SRGAP3: variants seen among roughly 807,000 people sequenced by gnomAD.
SRGAP3 encodes the protein SLIT-ROBO Rho GTPase activating protein 3.
Under a neutral mutation model 121.1 loss-of-function variants are expected in SRGAP3, and 39 were observed. That is an observed-to-expected ratio of 0.32 (90% CI 0.25 to 0.42). SRGAP3 has a LOEUF of 0.42. Ranked by LOEUF, SRGAP3 falls within the 10% of genes least tolerant of loss-of-function variation. SRGAP3 has a pLI of 1.00. For synonymous variants in SRGAP3, 601 were observed against 570.0 expected (o/e 1.05, Z -0.77); for missense variants, 1,213 against 1,470.6 (o/e 0.82, Z 2.86).
chr3:9,258,096 A>G (rs1954174115), intron 3 of SRGAP3, among the ~76,000 whole-genome samples: 1 of 152,184 alleles, frequency 6.6e-6, no homozygotes, highest in Non-Finnish European at 1.5e-5. Context: ...TGTTGTGAAG[A>G]CCTCAGTTTA....
At chr3:9,273,109 C>T (rs755446907) in intron 3 of SRGAP3, among the ~76,000 whole-genome samples, 6 of 152,150 alleles carry the variant, frequency 3.9e-5, no homozygotes, top group Non-Finnish European at 7.3e-5. Context: ...CTCAGATCAT[C>T]AGGTATTAGT....
At chr3:9,049,371 G>A (rs181352382) in intron 9 of SRGAP3, 21 of 455,996 alleles carry the variant, frequency 4.6e-5, no homozygotes, top group Admixed American at 2.6e-4. Flanking sequence ...AGAGTCACTC[G>A]ACTTGTATCC....
intron 4 of SRGAP3, among the ~76,000 whole-genome samples, chr3:9,074,319 G>T (rs1946857732): frequency 6.6e-6 from 1 of 152,174 alleles, no homozygotes; most frequent in South Asian, 2.1e-4. Context: ...TATACTCTAT[G>T]ACAATCACTC....
intron 10 of SRGAP3, among the ~76,000 whole-genome samples, chr3:9,044,722 A>G (rs919049220): frequency 1.3e-5 from 2 of 152,200 alleles, no homozygotes; most frequent in Admixed American, 6.5e-5. Flanking sequence ...AGAGAATCCT[A>G]CTGAATAGAA....
intron 3 of SRGAP3, among the ~76,000 whole-genome samples, chr3:9,300,315 T>G: frequency 6.7e-6 from 1 of 150,338 alleles, no homozygotes; most frequent in Non-Finnish European, 1.5e-5. Flanking sequence ...AACTTCACAC[T>G]TCACAACTCT....
chr3:9,281,382 G>C (rs1038106348), intron 3 of SRGAP3, among the ~76,000 whole-genome samples: 2 of 152,048 alleles, frequency 1.3e-5, no homozygotes, highest in Admixed American at 6.6e-5. Flanking sequence ...AATTAGACTT[G>C]ACCATGGCCA....
chr3:9,029,962 A>G (rs1003412855), intron 12 of SRGAP3, among the ~76,000 whole-genome samples: 25 of 148,540 alleles, frequency 1.7e-4, no homozygotes, highest in African/African-American at 6.3e-4. Flanking sequence ...ACAACATGGT[A>G]AGATCCTGTC....
In SRGAP3 at chr3:9,053,362, C is replaced by T. The variant is rs1945673429; in HGVS notation, c.1126-138G>A. ...TAGGCAGAACAAAAATAATCCTTCT[C>T]ACTGTATTAATGTGGAAAACACAAA... On this transcript the variant is annotated intron_variant, in intron 8 of 21. Transcript: ENST00000383836. 5.4e-6 allele frequency: 5 copies of T among 926,858 alleles called. No individual in the cohort carries two copies. In the South Asian group the frequency reaches 7.2e-5, roughly 13 times the overall value. The allele number at this position is 926,858 out of a possible 1,614,324, so 57.4% of individuals were successfully genotyped here.
At chr3:9,118,148 G>GTAAA (rs1283902550) in intron 2 of SRGAP3, among the ~76,000 whole-genome samples, 3 of 152,004 alleles carry the variant, frequency 2.0e-5, no homozygotes, top group African/African-American at 4.8e-5. Flanking sequence ...AAGTAAATAT[G>GTAAA]TAAATAAATA....
At chr3:9,304,370 A>G (rs1208542931) in intron 3 of SRGAP3, among the ~76,000 whole-genome samples, 1 of 152,200 alleles carries the variant, frequency 6.6e-6, no homozygotes. Context: ...TCCTTAGCAC[A>G]GTCTCCTGCC....
chr3:9,170,191 G>A (rs964146645), intron 1 of SRGAP3, among the ~76,000 whole-genome samples: 2 of 152,102 alleles, frequency 1.3e-5, no homozygotes, highest in Non-Finnish European at 2.9e-5. Flanking sequence ...AGAAGAAACC[G>A]CCCCCAGTCT....
Position 9,241,741 on chromosome 3 carries a change from G to A in SRGAP3, c.67+7144C>T, listed in dbSNP as rs184680007. Among the ~76,000 whole-genome samples, 31 of 152,272 alleles carry A rather than the reference G, an allele frequency of 2.0e-4. No homozygotes were observed. In the East Asian group the frequency reaches 4.4e-3, roughly 22 times the overall value. ...GGTGATTAAGGTTAGATAAGATCAT[G>A]AAGATGGGTCCCTCCTGATGGTATT... On this transcript the variant is annotated intron_variant, in intron 1 of 21. Coordinates refer to ENST00000383836, the MANE Select transcript of SRGAP3 (RefSeq NM_014850.4).
intron 3 of SRGAP3, among the ~76,000 whole-genome samples, chr3:9,278,338 T>C (rs1954619344): frequency 6.6e-6 from 1 of 152,172 alleles, no homozygotes; most frequent in African/African-American, 2.4e-5. Context: ...CTGAGGCAAT[T>C]ACTCTCCATG....
chr3:9,182,131 G>A (rs564159262), intron 1 of SRGAP3, among the ~76,000 whole-genome samples: 139 of 119,730 alleles, frequency 1.2e-3, no homozygotes, highest in Non-Finnish European at 1.8e-3. Flanking sequence ...ACCCAAGATT[G>A]TGCCATTGTA....
At chr3:9,071,275 AATTTT>A (rs1383907686) in intron 4 of SRGAP3, among the ~76,000 whole-genome samples, 1 of 151,856 alleles carries the variant, frequency 6.6e-6, no homozygotes, top group Non-Finnish European at 1.5e-5. Context: ...ATAGCCCCCT[AATTTT>A]ATTTTGAGGA....
At chr3:9,240,240 C>T (rs1953577119) in intron 1 of SRGAP3, among the ~76,000 whole-genome samples, 1 of 152,100 alleles carries the variant, frequency 6.6e-6, no homozygotes, top group African/African-American at 2.4e-5. Flanking sequence ...GTTAAAGTGC[C>T]ATTATTTGCC....
chr3:9,169,110 G>C (rs1950890552), intron 1 of SRGAP3, among the ~76,000 whole-genome samples: 2 of 152,208 alleles, frequency 1.3e-5, no homozygotes. Context: ...CCCTGGGCAA[G>C]TTTCTGAGCC....
intron 3 of SRGAP3, among the ~76,000 whole-genome samples, chr3:9,092,250 C>A (rs1293989832): frequency 6.6e-6 from 1 of 152,110 alleles, no homozygotes; most frequent in African/African-American, 2.4e-5. Context: ...TGAAAAGTGA[C>A]CTGACATGGT....
At chr3:9,150,307 G>A (rs1950172416) in intron 1 of SRGAP3, among the ~76,000 whole-genome samples, 1 of 152,012 alleles carries the variant, frequency 6.6e-6, no homozygotes, top group Admixed American at 6.6e-5. Context: ...GCTGGAGGAG[G>A]CAAGTGACCA....
Sources: gnomAD v4.1 joint callset for allele counts (sites outside exome capture counted in the v4.1 genomes callset) on GRCh38, gnomAD v4.1.1 for gene constraint, MANE v1.5 for transcripts, NCBI Gene and HGNC (gene_info 2026-07-23, HGNC 2026-07-21) for gene names.